The following NEDD4L variants were observed in gnomAD, a reference collection of about 807,000 sequenced individuals.
NEDD4L encodes the protein E3 ubiquitin-protein ligase NEDD4-like.
NEDD4L carries 54 observed loss-of-function variants against 148.9 expected under a neutral mutation model. The observed-to-expected ratio is 0.36, with a 90% CI of 0.29 to 0.45. The LOEUF is 0.45. Ranked by LOEUF, NEDD4L falls within the 20% of genes least tolerant of loss-of-function variation. The probability of loss-of-function intolerance (pLI) is 1.00; values close to 1 mark genes in which losing one functional copy is unlikely to be tolerated. For synonymous variants in NEDD4L, 433 were observed against 440.7 expected (o/e 0.98, Z 0.22); for missense variants, 856 against 1,233.8 (o/e 0.69, Z 4.59).
intron 1 of NEDD4L, among the ~76,000 whole-genome samples, chr18:58,066,267 T>C (rs147161189): frequency 6.6e-6 from 1 of 152,324 alleles, no homozygotes; most frequent in Non-Finnish European, 1.5e-5. Flanking sequence ...TTTGTACACA[T>C]TTCTAGGCAC....
At chr18:58,286,647 G>A (rs2053946260) in intron 5 of NEDD4L, among the ~76,000 whole-genome samples, 1 of 152,168 alleles carries the variant, frequency 6.6e-6, no homozygotes, top group South Asian at 2.1e-4. Context: ...AGCTGACTGA[G>A]GGCTTCATCA....
chr18:58,352,099 G>A (rs2043964334), intron 18 of NEDD4L, among the ~76,000 whole-genome samples: 1 of 152,208 alleles, frequency 6.6e-6, no homozygotes, highest in Admixed American at 6.5e-5. Context: ...GAAAGTAGAA[G>A]TCCTAGGTGT....
At chr18:58,234,025 T>C (rs550357480) in intron 2 of NEDD4L, among the ~76,000 whole-genome samples, 4 of 152,180 alleles carry the variant, frequency 2.6e-5, no homozygotes, top group African/African-American at 9.6e-5. Flanking sequence ...GGGCTCAACC[T>C]AATGACCTCA....
rs140221152 is a variant in NEDD4L, at chr18:58,235,231, G to A, written c.123-10196G>A. ...CCACCATTCAATTTACTGTCTGTCC[G>A]GTACATTGACCCTGTGAGGCCCACT... is the stretch of plus-strand genomic sequence containing the variant. On this transcript the variant is annotated intron_variant, in intron 2 of 30. Transcript: ENST00000400345. Among the ~76,000 whole-genome samples the A allele has an allele frequency of 1.8e-3, 275 of 152,202 alleles. 2 individuals carry two copies. Among genetic ancestry groups the A allele is most frequent in the African/African-American group, 6.3e-3 (261 of 41,510 alleles).
chr18:58,187,102 GC>G (rs2039562118), intron 2 of NEDD4L, among the ~76,000 whole-genome samples: 1 of 152,222 alleles, frequency 6.6e-6, no homozygotes. Context: ...GAAGGGCCGA[GC>G]ATGAAGCCTA....
chr18:58,358,535 C>T (rs998918653), intron 19 of NEDD4L, among the ~76,000 whole-genome samples: 4 of 152,108 alleles, frequency 2.6e-5, no homozygotes, highest in Admixed American at 6.5e-5. Flanking sequence ...TATCAATTAC[C>T]GGCCGTCACT....
At chr18:58,201,334 A>C (rs1385342426) in intron 2 of NEDD4L, among the ~76,000 whole-genome samples, 1 of 145,008 alleles carries the variant, frequency 6.9e-6, no homozygotes, top group Admixed American at 6.7e-5. Context: ...TCCTGTCTCA[A>C]AAAAAAAAAG....
chr18:58,268,283 A>G (rs1434172270), intron 5 of NEDD4L, among the ~76,000 whole-genome samples: 2 of 151,930 alleles, frequency 1.3e-5, no homozygotes, highest in Non-Finnish European at 2.9e-5. Flanking sequence ...TGTCGTGTAG[A>G]TGAAACCTCC....
chr18:58,364,146 T>A, intron 19 of NEDD4L, 122 bp from the exon 20 acceptor site: 1 of 680,090 alleles, frequency 1.5e-6, no homozygotes. Context: ...TTTCCATGGA[T>A]AATCTGAGAA....
intron 5 of NEDD4L, among the ~76,000 whole-genome samples, chr18:58,289,822 TA>T (rs1172103514): frequency 6.6e-6 from 1 of 152,252 alleles, no homozygotes; most frequent in Admixed American, 6.5e-5. Context: ...GCACAAATTG[TA>T]AATACGTATG....
At chr18:58,218,195 T>C (rs1269804353) in intron 2 of NEDD4L, among the ~76,000 whole-genome samples, 1 of 152,198 alleles carries the variant, frequency 6.6e-6, no homozygotes. Flanking sequence ...TTCCTTTGCT[T>C]TGCATTGAAA....
chr18:58,268,441 A>G (rs1277295030), intron 5 of NEDD4L, among the ~76,000 whole-genome samples: 1 of 151,906 alleles, frequency 6.6e-6, no homozygotes, highest in Non-Finnish European at 1.5e-5. Context: ...CCAGGTGCAA[A>G]TCTCCCCCCA....
chr18:58,071,623 AGAAGGTATACTGT>A (rs1312538825), intron 1 of NEDD4L, among the ~76,000 whole-genome samples: 1 of 152,216 alleles, frequency 6.6e-6, no homozygotes, highest in East Asian at 1.9e-4. Flanking sequence ...AAAGGGAAAA[AGAAGGTATACTGT>A]GAATAGTTGT....
At position 58,386,366 on chromosome 18, in the gene NEDD4L, T is replaced by A. The variant is rs112752965; in HGVS notation, c.2487+780T>A. Among the ~76,000 whole-genome samples the A allele has an allele frequency of 5.0e-3, 760 of 152,344 alleles. 6 individuals carry two copies. The highest frequency in any genetic ancestry group is 0.016 in the African/African-American group (664 of 41,576). On this transcript the variant is annotated intron_variant, in intron 26 of 30. Transcript: ENST00000400345. ...GCGCCCAGCCATGGACATTTTTTTTTAATCCCCTGCCCTTTTTCTTTGTGG... is the reference window on the plus strand; with the variant it reads ...GCGCCCAGCCATGGACATTTTTTTTAAATCCCCTGCCCTTTTTCTTTGTGG...
chr18:58,161,426 T>C (rs2036195114), intron 1 of NEDD4L, among the ~76,000 whole-genome samples: 1 of 121,316 alleles, frequency 8.2e-6, no homozygotes, highest in African/African-American at 3.6e-5. Context: ...TCCGTGTTTT[T>C]TTCTTTTTCT....
intron 24 of NEDD4L, among the ~76,000 whole-genome samples, chr18:58,382,979 G>A (rs549174429): frequency 6.6e-6 from 1 of 152,246 alleles, no homozygotes; most frequent in Non-Finnish European, 1.5e-5. Context: ...AGGAAAAAAT[G>A]TTGCTCTTCA....
intron 2 of NEDD4L, among the ~76,000 whole-genome samples, chr18:58,234,011 A>T (rs957076414): frequency 2.6e-5 from 4 of 151,728 alleles, no homozygotes; most frequent in Admixed American, 1.3e-4. Flanking sequence ...GTCATATTGG[A>T]TCAGGGCTCA....
intron 1 of NEDD4L, among the ~76,000 whole-genome samples, chr18:58,105,954 A>T (rs1376361147): frequency 2.0e-5 from 3 of 152,204 alleles, no homozygotes; most frequent in African/African-American, 7.2e-5. Context: ...GATTCCAGAA[A>T]TTGTTATGAA....
At chr18:58,266,935 T>C (rs2050301157) in intron 5 of NEDD4L, among the ~76,000 whole-genome samples, 1 of 152,086 alleles carries the variant, frequency 6.6e-6, no homozygotes, top group Admixed American at 6.5e-5. Flanking sequence ...TATATAGTTA[T>C]GAAGAACAGA....
Sources: gnomAD v4.1 joint callset for allele counts (sites outside exome capture counted in the v4.1 genomes callset) on GRCh38, gnomAD v4.1.1 for gene constraint, MANE v1.5 for transcripts, NCBI Gene and HGNC (gene_info 2026-07-23, HGNC 2026-07-21) for gene names.